SPATS2L: variants seen among roughly 807,000 people sequenced by gnomAD.
SPATS2L encodes SPATS2-like protein.
In SPATS2L, 30 loss-of-function variants were observed where a neutral mutation model predicts 59.6. The ratio of observed to expected loss-of-function variants is 0.50; its 90% confidence interval spans 0.38 to 0.68. The LOEUF (loss-of-function observed/expected upper bound fraction) is 0.68. SPATS2L is among the 30% of genes least tolerant of loss of function. The pLI is 0.00. For synonymous variants in SPATS2L, 252 were observed against 263.5 expected (o/e 0.96, Z 0.42); for missense variants, 615 against 700.0 (o/e 0.88, Z 1.37).
intron 2 of SPATS2L, chr2:200,383,758 T>C: frequency 2.7e-6 from 1 of 366,734 alleles, no homozygotes; most frequent in Non-Finnish European, 3.9e-6. Context: ...GTATGATTTC[T>C]ATGTTTTTAC....
chr2:200,333,293 AAG>A (rs569331956), intron 2 of SPATS2L, among the ~76,000 whole-genome samples: 2 of 151,736 alleles, frequency 1.3e-5, no homozygotes, highest in East Asian at 1.9e-4. Context: ...CTCAAAAAAA[AAG>A]AGAGAGAGAG....
chr2:200,478,282 T>C lies in SPATS2L; in HGVS notation c.*251T>C. On this transcript the variant is annotated 3_prime_UTR_variant, in exon 13 of 13. Coordinates refer to ENST00000409140, the MANE Select transcript of SPATS2L (RefSeq NM_001100423.2). ...ATTTTAGCCAGGCAGTATTTACTCATTATTAGGAAAATCAAGATGTGGCTG... is the reference window on the plus strand; with the variant it reads ...ATTTTAGCCAGGCAGTATTTACTCACTATTAGGAAAATCAAGATGTGGCTG... 1 of 331,940 alleles carries C rather than the reference T, an allele frequency of 3.0e-6. No homozygotes were observed. Among genetic ancestry groups the C allele is most frequent in the Non-Finnish European group, 5.4e-6 (1 of 186,590 alleles). 20.6% of individuals were successfully genotyped at this position (331,940 alleles called of 1,614,324 possible). A position where few individuals can be genotyped will look rare whatever the true frequency, so the allele number is the denominator to read the frequency against.
chr2:200,328,613 C>T (rs1258622353), intron 1 of SPATS2L, among the ~76,000 whole-genome samples: 1 of 152,182 alleles, frequency 6.6e-6, no homozygotes, highest in Non-Finnish European at 1.5e-5. Flanking sequence ...CGCGGTTGTT[C>T]TCCAGTCATT....
At chr2:200,464,386 TAA>T (rs2086445222) in intron 9 of SPATS2L, among the ~76,000 whole-genome samples, 1 of 152,210 alleles carries the variant, frequency 6.6e-6, no homozygotes, top group Admixed American at 6.5e-5. Context: ...GGCATGAGGG[TAA>T]ACTCAGAATT....
chr2:200,356,713 G>A (rs2080928335), intron 2 of SPATS2L, among the ~76,000 whole-genome samples: 1 of 152,202 alleles, frequency 6.6e-6, no homozygotes, highest in Admixed American at 6.5e-5. Flanking sequence ...GATCATGGAT[G>A]TCAGCCTATT....
At chr2:200,341,847 G>A (rs1010587387) in intron 2 of SPATS2L, among the ~76,000 whole-genome samples, 1 of 151,656 alleles carries the variant, frequency 6.6e-6, no homozygotes, top group African/African-American at 2.4e-5. Context: ...CTGCCACCAC[G>A]CCCAGATATT....
At chr2:200,449,760 C>T (rs1421670310) in intron 8 of SPATS2L, among the ~76,000 whole-genome samples, 7 of 152,054 alleles carry the variant, frequency 4.6e-5, no homozygotes, top group Admixed American at 6.6e-5. Flanking sequence ...ATATAAAATA[C>T]ATTATAATAC....
intron 2 of SPATS2L, among the ~76,000 whole-genome samples, chr2:200,358,391 C>CTT (rs1434836402): frequency 1.3e-5 from 2 of 152,146 alleles, no homozygotes; most frequent in African/African-American, 4.8e-5. Flanking sequence ...TATTCCATGT[C>CTT]TTTTAGTATT....
chr2:200,480,283 CAAAAG>C lies in SPATS2L; in HGVS notation c.*2255_*2259del, dbSNP rs2087746323. ...ACACTCCCATGTCACTGAAAAGAAA[CAAAAG>C]AATGCTAAAAAGTGCTCAGACCTGA... On this transcript the variant is annotated 3_prime_UTR_variant, in exon 13 of 13. Coordinates refer to ENST00000409140, the MANE Select transcript of SPATS2L (RefSeq NM_001100423.2). The C allele has an allele frequency of 2.0e-5, 3 of 150,780 alleles. No homozygotes were observed. The South Asian group carries it at 6.3e-4, about 31-fold the overall frequency. 9.3% of individuals were successfully genotyped at this position (150,780 alleles called of 1,614,324 possible).
At chr2:200,372,055 G>T in intron 2 of SPATS2L, 1 of 985,436 alleles carries the variant, frequency 1.0e-6, no homozygotes. Flanking sequence ...ACTTCTGAGA[G>T]TGTGCCTTGT....
chr2:200,480,938 T>C lies in SPATS2L; in HGVS notation c.*2907T>C, dbSNP rs907197141. The C allele has an allele frequency of 1.2e-4, 19 of 152,240 alleles. No homozygotes were observed. The highest frequency in any genetic ancestry group is 4.6e-4 in the African/African-American group (19 of 41,464). The allele number at this position is 152,240 out of a possible 1,614,324, so 9.4% of individuals were successfully genotyped here. A position where few individuals can be genotyped will look rare whatever the true frequency, so the allele number is the denominator to read the frequency against. On this transcript the variant is annotated 3_prime_UTR_variant, in exon 13 of 13. Coordinates refer to ENST00000409140, the MANE Select transcript of SPATS2L (RefSeq NM_001100423.2). The stretch of plus-strand genomic sequence containing the variant: ...AACATTTGCCTAGTAGAGGTTAAAA[T>C]AGTTTAATCCTTATGAAGATGGAAT...
intron 2 of SPATS2L, among the ~76,000 whole-genome samples, chr2:200,339,938 T>G (rs912191709): frequency 2.0e-5 from 3 of 152,236 alleles, no homozygotes; most frequent in Non-Finnish European, 4.4e-5. Flanking sequence ...GCAACCTTTG[T>G]GTCGGGGGTG....
chr2:200,405,470 A>T (rs779081216), intron 3 of SPATS2L, among the ~76,000 whole-genome samples: 1 of 151,966 alleles, frequency 6.6e-6, no homozygotes, highest in Non-Finnish European at 1.5e-5. Flanking sequence ...CCTCATGCAT[A>T]TTTTTTGCTG....
chr2:200,442,085 C>T (rs1049353199), intron 8 of SPATS2L, among the ~76,000 whole-genome samples: 1 of 152,128 alleles, frequency 6.6e-6, no homozygotes, highest in Non-Finnish European at 1.5e-5. Context: ...GAGGATTCAT[C>T]TACCTCCCCC....
At chr2:200,369,725 T>G (rs755252881) in intron 2 of SPATS2L, among the ~76,000 whole-genome samples, 4 of 152,126 alleles carry the variant, frequency 2.6e-5, no homozygotes, top group South Asian at 2.1e-4. Flanking sequence ...GGTGACAGAA[T>G]AATCCAGATA....
intron 3 of SPATS2L, among the ~76,000 whole-genome samples, chr2:200,411,360 A>G (rs905656624): frequency 6.6e-6 from 1 of 152,240 alleles, no homozygotes; most frequent in African/African-American, 2.4e-5. Context: ...CTGTGAATCC[A>G]ATTATACTAA....
rs2082902581 is a variant in SPATS2L at position 200,412,292 on chromosome 2, T to TC, written c.40-19_40-18insC. ...AAAGTGTTCACATTTCTATTTCTTT[T>TC]TTTTTTTTTCCTTTACAGATCTATG... On this transcript the variant is annotated intron_variant, in intron 3 of 12. Coordinates refer to ENST00000409140, the MANE Select transcript of SPATS2L (RefSeq NM_001100423.2). 7.4e-7 allele frequency: 1 copy of TC among 1,354,388 alleles called. No individual in the cohort carries two copies. Among genetic ancestry groups the TC allele is most frequent in the African/African-American group, 1.5e-5 (1 of 67,278 alleles). The allele number at this position is 1,354,388 out of a possible 1,614,324, so 83.9% of individuals were successfully genotyped here.
chr2:200,478,295 C>A lies in SPATS2L; in HGVS notation c.*264C>A. The A allele has an allele frequency of 3.4e-6, 1 of 297,256 alleles. No homozygotes were observed. The highest frequency in any genetic ancestry group is 6.1e-6 in the Non-Finnish European group (1 of 163,490). 18.4% of individuals were successfully genotyped at this position (297,256 alleles called of 1,614,324 possible). Reference sequence around the variant, plus strand: ...AGTATTTACTCATTATTAGGAAAATCAAGATGTGGCTGAAGATCAGAGGCT... The same window carrying A: ...AGTATTTACTCATTATTAGGAAAATAAAGATGTGGCTGAAGATCAGAGGCT... On this transcript the variant is annotated 3_prime_UTR_variant, in exon 13 of 13. Transcript: ENST00000409140.
intron 2 of SPATS2L, among the ~76,000 whole-genome samples, chr2:200,368,988 T>C (rs1449568995): frequency 2.6e-5 from 4 of 151,792 alleles, no homozygotes; most frequent in Admixed American, 2.6e-4. Context: ...CCAAAGATAA[T>C]GTACACATTC....
Sources: gnomAD v4.1 joint callset for allele counts (sites outside exome capture counted in the v4.1 genomes callset) on GRCh38, gnomAD v4.1.1 for gene constraint, MANE v1.5 for transcripts, NCBI Gene and HGNC (gene_info 2026-07-23, HGNC 2026-07-21) for gene names.